The following TTC12 variants were observed in gnomAD, a reference collection of about 807,000 sequenced individuals.
TTC12 encodes the protein tetratricopeptide repeat domain 12.
TTC12 carries 70 observed loss-of-function variants against 90.1 expected under a neutral mutation model. That is an observed-to-expected ratio of 0.78 (90% CI 0.64 to 0.95). The LOEUF (loss-of-function observed/expected upper bound fraction) is 0.95, where lower values mean the gene tolerates loss of function less well. Among genes scored for constraint, TTC12 ranks in the 40% least tolerant of loss-of-function variants. TTC12 has a pLI of 0.00. For synonymous variants in TTC12, 296 were observed against 311.5 expected (o/e 0.95, Z 0.53); for missense variants, 819 against 846.1 (o/e 0.97, Z 0.40).
Position 113,341,918 on chromosome 11 carries a change from C to T in TTC12, c.978C>T (p.Ser326=). The change falls in exon 12 of 22, where the codon AGC becomes AGT. Residue 326 remains serine (S), a synonymous_variant. Coordinates refer to ENST00000529221, the MANE Select transcript of TTC12 (RefSeq NM_017868.4). The stretch of plus-strand genomic sequence containing the variant: ...TCAAGCTCTGGCAAGCAGTGTGCAG[C>T]AGGAACGGTAAGCCTGGGTAATCAC... ...SVLKLWQAVC[S]RNEENQRVLV... 1 of 1,613,790 alleles carries T rather than the reference C, an allele frequency of 6.2e-7. No individual in the cohort carries two copies. The highest frequency in any genetic ancestry group is 8.5e-7 in the Non-Finnish European group (1 of 1,179,678).
At chr11:113,355,224 A>G (rs1591610760) in intron 16 of TTC12, among the ~76,000 whole-genome samples, 1 of 152,066 alleles carries the variant, frequency 6.6e-6, no homozygotes, top group South Asian at 2.1e-4. Flanking sequence ...CATTTCTTCT[A>G]GATTTTCTAG....
At chr11:113,352,926 G>C (rs1181438843) in intron 16 of TTC12, among the ~76,000 whole-genome samples, 4 of 152,160 alleles carry the variant, frequency 2.6e-5, no homozygotes, top group African/African-American at 9.7e-5. Flanking sequence ...ATGTGCATGT[G>C]TCCTTATAAT....
intron 11 of TTC12, among the ~76,000 whole-genome samples, chr11:113,341,229 CA>C (rs1243226875): frequency 2.6e-5 from 4 of 152,120 alleles, no homozygotes; most frequent in African/African-American, 9.6e-5. Flanking sequence ...GATTCAGTCT[CA>C]AAAAAAGGAA....
intron 21 of TTC12, among the ~76,000 whole-genome samples, chr11:113,372,093 A>G (rs1455187070): frequency 1.3e-5 from 2 of 152,168 alleles, no homozygotes; most frequent in African/African-American, 4.8e-5. Flanking sequence ...GTGGGGGATA[A>G]AGAAGTAGGC....
downstream of TTC12, among the ~76,000 whole-genome samples, chr11:113,367,593 ATCC>A (rs1591231228): frequency 6.6e-6 from 1 of 152,256 alleles, no homozygotes; most frequent in South Asian, 2.1e-4. Context: ...AGGAAAGGAA[ATCC>A]TCCTCCTCCA....
At chr11:113,368,208 T>C (rs906155948), downstream of TTC12, 41 of 1,491,428 alleles carry the variant, frequency 2.7e-5, no homozygotes, top group African/African-American at 5.3e-4. Flanking sequence ...AGAGCAGTCA[T>C]CTCCAATTTG....
Position 113,359,411 on chromosome 11 carries a change from C to A in TTC12, c.1495C>A (p.Leu499Ile). 1.2e-6 allele frequency: 2 copies of A among 1,613,744 alleles called. No homozygotes were observed. Among genetic ancestry groups the A allele is most frequent in the Non-Finnish European group, 1.7e-6 (2 of 1,179,664 alleles). The change falls in exon 17 of 22, where the codon CTC becomes ATC. Residue 499 changes from leucine (L) to isoleucine (I), a missense_variant. Leu to Ile is a conservative substitution (Grantham distance 5). Transcript: ENST00000529221. ...VDLFREVIYT[L>I]LGLMMNLCLQ... ...CCTGTTCAGAGAGGTTATCTACACACTCCTGGGACTCATGATGAACCTGTG... is the reference window on the plus strand; with the variant it reads ...CCTGTTCAGAGAGGTTATCTACACAATCCTGGGACTCATGATGAACCTGTG...
At position 113,325,721 on chromosome 11, in the gene TTC12, G is replaced by A. The variant is rs1947647411; in HGVS notation, c.444+76G>A. On this transcript the variant is annotated intron_variant, in intron 6 of 21. Transcript: ENST00000529221. ...ACTAAACTTGGGAAAACAAAGATGA[G>A]GCTAGATGTTGGGCTGGGAAATGTT... is the stretch of plus-strand genomic sequence containing the variant. 3 of 1,576,718 alleles carry A rather than the reference G, an allele frequency of 1.9e-6. No homozygotes were observed. The East Asian group carries it at 6.7e-5, about 35-fold the overall frequency.
At chr11:113,324,511 T>C in intron 4 of TTC12, 94 bp from the exon 5 acceptor site, 1 of 947,146 alleles carries the variant, frequency 1.1e-6, no homozygotes, top group Non-Finnish European at 1.6e-6. Context: ...TATGCATACG[T>C]GTGGCTCTAA....
chr11:113,323,503 C>T (rs782735507), intron 3 of TTC12, 52 bp downstream of exon 3: 3 of 1,279,116 alleles, frequency 2.3e-6, no homozygotes, highest in South Asian at 2.1e-5. Flanking sequence ...AGAAGACCTA[C>T]ACCTAGGCAG....
Position 113,344,295 on chromosome 11 carries a change from A to T in TTC12, c.1009A>T (p.Ile337Leu), listed in dbSNP as rs782300941. 19 of 1,613,740 alleles carry T rather than the reference A, an allele frequency of 1.2e-5. No individual in the cohort carries two copies. The highest frequency in any genetic ancestry group is 1.6e-5 in the Non-Finnish European group (19 of 1,179,878). The change falls in exon 13 of 22, where the codon ATA (isoleucine) becomes TTA (leucine). Residue 337 changes from isoleucine to leucine, a missense_variant. Coordinates refer to ENST00000529221, the MANE Select transcript of TTC12 (RefSeq NM_017868.4). ...RNEENQRVLVIHHDRARLLAA... is the reference protein window; with the variant it reads ...RNEENQRVLVLHHDRARLLAA... ...AGAGGAAAACCAGCGTGTGCTAGTG[A>T]TACACCATGACAGGGCCAGGCTGTT...
At chr11:113,332,505 G>T (rs1948123436) in intron 7 of TTC12, among the ~76,000 whole-genome samples, 1 of 152,212 alleles carries the variant, frequency 6.6e-6, no homozygotes, top group South Asian at 2.1e-4. Flanking sequence ...AAGTGCTAGA[G>T]TTTCCTCTTT....
chr11:113,362,301 A>G lies in TTC12; in HGVS notation c.1615-100A>G, dbSNP rs968885875. 7 of 796,394 alleles carry G rather than the reference A, an allele frequency of 8.8e-6. No homozygotes were observed. In the East Asian group the frequency reaches 1.7e-4, roughly 20 times the overall value. 49.3% of individuals were successfully genotyped at this position (796,394 alleles called of 1,614,324 possible). On this transcript the variant is annotated intron_variant, in intron 18 of 21. Transcript: ENST00000529221. ...ATATTTTTTATATTTTGCTTCCAAT[A>G]TAATGATTGCTTTTGCCTCACCAAA...
chr11:113,342,750 G>A (rs1477158138), intron 12 of TTC12, among the ~76,000 whole-genome samples: 1 of 152,128 alleles, frequency 6.6e-6, no homozygotes. Context: ...AAATCAGGGG[G>A]CCTATTTCCT....
intron 15 of TTC12, among the ~76,000 whole-genome samples, 165 bp from the exon 16 acceptor site, chr11:113,351,905 A>G (rs1044565969): frequency 3.9e-5 from 6 of 152,184 alleles, no homozygotes; most frequent in Admixed American, 6.5e-5. Flanking sequence ...TTACCCCTCT[A>G]TGTGCCTCCA....
chr11:113,326,504 A>G (rs542024299), intron 6 of TTC12, among the ~76,000 whole-genome samples: 1 of 152,258 alleles, frequency 6.6e-6, no homozygotes, highest in East Asian at 1.9e-4. Context: ...CATCAGCTCT[A>G]ATTTCCCTAA....
Position 113,339,428 on chromosome 11 carries a change from G to A in TTC12, c.780G>A (p.Leu260=), listed in dbSNP as rs782642036. ...ETLSKPDQIP[L]FYAGGIEILT... is the part of the protein sequence containing the mutation. ...TTTCCAAGCCTGACCAGATCCCCTT[G>A]TTCTATGCTGGGGGGATTGAGATCC... is the stretch of plus-strand genomic sequence containing the variant. Residue 260 remains leucine (L), a synonymous_variant, in exon 10 of 22, where the codon TTG becomes TTA. Coordinates refer to ENST00000529221, the MANE Select transcript of TTC12 (RefSeq NM_017868.4). 8.8e-5 allele frequency: 142 copies of A among 1,613,556 alleles called. No individual in the cohort carries two copies. Among genetic ancestry groups the A allele is most frequent in the Non-Finnish European group, 1.2e-4 (140 of 1,179,914 alleles).
intron 19 of TTC12, 53 bp from the exon 20 acceptor site, chr11:113,363,775 C>A: frequency 2.3e-6 from 3 of 1,287,256 alleles, no homozygotes; most frequent in South Asian, 2.5e-5. Flanking sequence ...GGTTTGTGGT[C>A]AAGAGCAATC....
chr11:113,368,603 T>A (rs1271236760), downstream of TTC12: 1 of 1,063,492 alleles, frequency 9.4e-7, no homozygotes, highest in Non-Finnish European at 1.4e-6. Flanking sequence ...AGCTGCTCAC[T>A]GTCTTCATAC....
Sources: allele counts gnomAD v4.1 joint callset (sites outside exome capture counted in the v4.1 genomes callset), GRCh38; gene constraint gnomAD v4.1.1; transcripts MANE v1.5; gene names NCBI Gene and HGNC (gene_info 2026-07-23, HGNC 2026-07-21).